Variants in PKM observed in about 807,000 individuals in gnomAD.
PKM encodes the protein pyruvate kinase PKM.
Under a neutral mutation model 49.8 loss-of-function variants are expected in PKM, and 18 were observed. The ratio of observed to expected loss-of-function variants is 0.36; its 90% CI spans 0.25 to 0.54. The LOEUF (loss-of-function observed/expected upper bound fraction) is 0.54. Among genes scored for constraint, PKM ranks in the 20% least tolerant of loss-of-function variants. The pLI is 0.89. For missense variants in PKM, 508 were observed against 713.8 expected (o/e 0.71, Z 3.28); for synonymous variants, 239 against 261.8 (o/e 0.91, Z 0.84).
Position 72,200,462 on chromosome 15 carries a change from C to A in PKM, c.1489+12G>T. 6.2e-7 allele frequency: 1 copy of A among 1,611,542 alleles called. No individual in the cohort carries two copies. The highest frequency in any genetic ancestry group is 1.1e-5 in the South Asian group (1 of 90,984). On this transcript the variant is annotated intron_variant, in intron 10 of 10. Transcript: ENST00000335181. This position sits in a 1 kb window ranked among gnomAD's most constrained non-coding sequence, Gnocchi z 4.6. ...GCTCCTCTAGGCTCTAGCCCCTGCT[C>A]CAGCCACGTACCAACATTCATGGCA...
chr15:72,221,784 C>T lies in PKM; in HGVS notation c.-13-2674G>A, dbSNP rs564116234. Among the ~76,000 whole-genome samples the T allele has an allele frequency of 3.2e-4, 49 of 151,666 alleles. 1 individual carries two copies. The South Asian group carries it at 8.1e-3, about 25-fold the overall frequency. The stretch of plus-strand genomic sequence containing the variant: ...CTTTTAAAAGGTGGCAGAGAAAAGA[C>T]GCATGTCTCAAGTTCTGTACACTGG... On this transcript the variant is annotated intron_variant, in intron 1 of 10. Coordinates refer to ENST00000335181, the MANE Select transcript of PKM (RefSeq NM_002654.6).
At position 72,202,699 on chromosome 15, in the gene PKM, G is replaced by T; in HGVS notation, c.1141-79C>A. On this transcript the variant is annotated intron_variant, in intron 8 of 10. Coordinates refer to ENST00000335181, the MANE Select transcript of PKM (RefSeq NM_002654.6). This position sits in a 1 kb window ranked among gnomAD's most constrained non-coding sequence, Gnocchi z 4.5. ...AGCTTTGTCACAAAAGGAGAGGGAG[G>T]GGAAGAGTCACCGGACAGCTGGTGA... is the stretch of plus-strand genomic sequence containing the variant. 1 of 1,288,516 alleles carries T rather than the reference G, an allele frequency of 7.8e-7. No homozygotes were observed. The highest frequency in any genetic ancestry group is 1.1e-6 in the Non-Finnish European group (1 of 905,718). The allele number at this position is 1,288,516 out of a possible 1,614,324, so 79.8% of individuals were successfully genotyped here.
At chr15:72,225,955 T>C (rs2082656473) in intron 1 of PKM, among the ~76,000 whole-genome samples, 1 of 152,220 alleles carries the variant, frequency 6.6e-6, no homozygotes, top group Non-Finnish European at 1.5e-5. Context: ...GAACGCTGAG[T>C]TGCTGCCTTC....
At chr15:72,211,192 C>T (rs1189816752) in intron 3 of PKM, among the ~76,000 whole-genome samples, 2 of 152,048 alleles carry the variant, frequency 1.3e-5, no homozygotes, top group African/African-American at 2.4e-5. Flanking sequence ...CTCAGCCTCC[C>T]GAGTAGCTGG....
chr15:72,210,351 TTG>T lies in PKM; in HGVS notation c.372_373del (p.Lys125GlyfsTer21). The T allele has an allele frequency of 6.2e-7, 1 of 1,614,104 alleles. No individual in the cohort carries two copies. Among genetic ancestry groups the T allele is most frequent in the Non-Finnish European group, 8.5e-7 (1 of 1,179,994 alleles). ...CGCTCTCCGCAGAATACTCACGCCC[TTG>T]ATGAGCCCAGTTCGGATCTCAGGTC... On this transcript the variant is annotated frameshift_variant, in exon 4 of 11. Coordinates refer to ENST00000335181, the MANE Select transcript of PKM (RefSeq NM_002654.6). LOFTEE classifies it high-confidence loss of function.
At chr15:72,210,146 C>T in intron 4 of PKM, 1 of 712,804 alleles carries the variant, frequency 1.4e-6, no homozygotes, top group Non-Finnish European at 2.4e-6. Context: ...AAAAAAGGTT[C>T]CTTTGTGGTA....
At chr15:72,228,376 C>CTTTT (rs10656443) in intron 1 of PKM, among the ~76,000 whole-genome samples, 30 of 118,828 alleles carry the variant, frequency 2.5e-4, no homozygotes, top group South Asian at 8.5e-4. Context: ...TTAGTTGTGG[C>CTTTT]TTTTTTTTTT....
In PKM at chr15:72,200,708, A is replaced by C; in HGVS notation, c.1308-53T>G. On this transcript the variant is annotated intron_variant, in intron 9 of 10. Transcript: ENST00000335181. This position sits in a 1 kb window ranked among gnomAD's most constrained non-coding sequence, Gnocchi z 4.6. ...GAGACCATTACACGAGGCCCCAGGAAGTACCCTCAGGGCGTTCAAACAGCT... is the reference window on the plus strand; with the variant it reads ...GAGACCATTACACGAGGCCCCAGGACGTACCCTCAGGGCGTTCAAACAGCT... The C allele has an allele frequency of 6.6e-7, 1 of 1,514,090 alleles. No homozygotes were observed. The highest frequency in any genetic ancestry group is 9.1e-7 in the Non-Finnish European group (1 of 1,100,504). The allele number at this position is 1,514,090 out of a possible 1,614,324, so 93.8% of individuals were successfully genotyped here. A position where few individuals can be genotyped will look rare whatever the true frequency, so the allele number is the denominator to read the frequency against.
chr15:72,199,583 G>T lies in PKM; in HGVS notation c.*67C>A. ...GCCCAGAGTGAGTTCTACAAGCGTTGCTGGCCTAATGGATGGGCTGGGGGA... is the reference window on the plus strand; with the variant it reads ...GCCCAGAGTGAGTTCTACAAGCGTTTCTGGCCTAATGGATGGGCTGGGGGA... On this transcript the variant is annotated 3_prime_UTR_variant, in exon 11 of 11. Transcript: ENST00000335181. 1 of 1,110,762 alleles carries T rather than the reference G, an allele frequency of 9.0e-7. No individual in the cohort carries two copies. The highest frequency in any genetic ancestry group is 1.4e-6 in the Non-Finnish European group (1 of 727,398). 68.8% of individuals were successfully genotyped at this position (1,110,762 alleles called of 1,614,324 possible).
intron 6 of PKM, among the ~76,000 whole-genome samples, chr15:72,208,383 T>A (rs1477437625): frequency 1.3e-5 from 2 of 152,016 alleles, no homozygotes; most frequent in East Asian, 3.9e-4. Flanking sequence ...CAGGGAACAA[T>A]GTCAAGCTGC....
chr15:72,219,233 A>G, intron 1 of PKM, 123 bp from the exon 2 acceptor site: 2 of 848,980 alleles, frequency 2.4e-6, no homozygotes, highest in East Asian at 2.5e-5. Context: ...CACAAGCCAC[A>G]GGGAAGCCAG....
At chr15:72,206,690 C>T (rs911247888) in intron 8 of PKM, 38 bp downstream of exon 8, 8 of 1,606,316 alleles carry the variant, frequency 5.0e-6, no homozygotes, top group Non-Finnish European at 6.8e-6. Context: ...CAGGCCCAGT[C>T]CGAAGCCCTG....
Position 72,199,732 on chromosome 15 carries a change from T to G in PKM, c.1514A>C (p.Lys505Thr). The stretch of plus-strand genomic sequence containing the variant: ...GGTCAGCACAATGACCACATCTCCC[T>G]TCTTGAAGAAGCCTCGGGCCTTGCC... Reference protein sequence around the residue: ...NVGKARGFFKKGDVVIVLTGW... With the variant: ...NVGKARGFFKTGDVVIVLTGW... The change falls in exon 11 of 11, where the codon AAG becomes ACG. Residue 505 changes from lysine (K) to threonine (T), a missense_variant. Physicochemically the swap from Lys to Thr is moderately conservative, Grantham distance 78. Coordinates refer to ENST00000335181, the MANE Select transcript of PKM (RefSeq NM_002654.6). 6.2e-7 allele frequency: 1 copy of G among 1,613,902 alleles called. No individual in the cohort carries two copies. The highest frequency in any genetic ancestry group is 8.5e-7 in the Non-Finnish European group (1 of 1,179,816).
At chr15:72,230,715 G>T (rs1210589861) in intron 1 of PKM, among the ~76,000 whole-genome samples, 1 of 152,166 alleles carries the variant, frequency 6.6e-6, no homozygotes, top group East Asian at 1.9e-4. Context: ...ACTTAAGGAG[G>T]AAGAGGGGAA....
chr15:72,208,578 G>A (rs543516408), intron 6 of PKM, 43 bp downstream of exon 6: 81 of 1,610,400 alleles, frequency 5.0e-5, no homozygotes, highest in Middle Eastern at 1.7e-4. Context: ...CATGCCCTTC[G>A]GAGAGCTGCG....
chr15:72,224,707 A>G (rs1305577247), intron 1 of PKM, among the ~76,000 whole-genome samples: 1 of 151,802 alleles, frequency 6.6e-6, no homozygotes, highest in Non-Finnish European at 1.5e-5. Flanking sequence ...TACTAAACAT[A>G]CAAAAATTAG....
chr15:72,215,368 C>T (rs1318312058), intron 3 of PKM, among the ~76,000 whole-genome samples: 1 of 152,092 alleles, frequency 6.6e-6, no homozygotes, highest in Non-Finnish European at 1.5e-5. Flanking sequence ...GAAACGATAG[C>T]CCTGACGTAT....
At chr15:72,227,906 C>G (rs534593487) in intron 1 of PKM, among the ~76,000 whole-genome samples, 9 of 151,240 alleles carry the variant, frequency 6.0e-5, no homozygotes, top group Non-Finnish European at 1.3e-4. Flanking sequence ...AAGAAATAAA[C>G]AGCTTTAGGA....
chr15:72,220,935 G>A (rs190710225), intron 1 of PKM, among the ~76,000 whole-genome samples: 2 of 152,224 alleles, frequency 1.3e-5, no homozygotes, highest in African/African-American at 4.8e-5. Context: ...GCTGTTAAGG[G>A]AACATTACTG....
Sources: allele counts gnomAD v4.1 joint callset (sites outside exome capture counted in the v4.1 genomes callset), GRCh38; gene constraint gnomAD v4.1.1; non-coding constraint Gnocchi (gnomAD v3.1); transcripts MANE v1.5; gene names NCBI Gene and HGNC (gene_info 2026-07-23, HGNC 2026-07-21).